CFAP52: variants seen among roughly 807,000 people sequenced by gnomAD.
CFAP52 encodes the protein cilia and flagella associated protein 52, also known as cilia- and flagella-associated protein 52.
In CFAP52, 57 loss-of-function variants were observed where a neutral mutation model predicts 70.5. The observed-to-expected ratio is 0.81, with a 90% CI of 0.65 to 1.01. The LOEUF is 1.01. CFAP52 is among the 50% of genes least tolerant of loss of function. The pLI, the probability that CFAP52 is intolerant of heterozygous loss-of-function variation, is 0.00. For synonymous variants in CFAP52, 267 were observed against 292.5 expected (o/e 0.91, Z 0.89); for missense variants, 785 against 788.5 (o/e 1.00, Z 0.05).
At chr17:9,587,261 G>T (rs993242439) in intron 3 of CFAP52, among the ~76,000 whole-genome samples, 1 of 152,138 alleles carries the variant, frequency 6.6e-6, no homozygotes, top group East Asian at 1.9e-4. Context: ...TCTTTATCCA[G>T]TCTACCATTG....
Position 9,585,674 on chromosome 17 carries a change from C to T in CFAP52, c.71-99C>T, listed in dbSNP as rs1055208841. On this transcript the variant is annotated intron_variant, in intron 1 of 13. Transcript: ENST00000352665. ...GTGACAAGTGCAAGACTCTGTCACA[C>T]ACACACACACACACAAAGTGTTGTG... 4.1e-6 allele frequency: 5 copies of T among 1,226,692 alleles called. No homozygotes were observed. The African/African-American group carries it at 4.4e-5, about 11-fold the overall frequency. 76.0% of individuals were successfully genotyped at this position (1,226,692 alleles called of 1,614,324 possible). A position where few individuals can be genotyped will look rare whatever the true frequency, so the allele number is the denominator to read the frequency against.
At chr17:9,634,959 C>G (rs917258925) in intron 10 of CFAP52, among the ~76,000 whole-genome samples, 1 of 152,104 alleles carries the variant, frequency 6.6e-6, no homozygotes, top group South Asian at 2.1e-4. Flanking sequence ...AGTTGGGAAC[C>G]ATTGCTTTTA....
At chr17:9,637,093 A>G (rs988188224) in intron 11 of CFAP52, among the ~76,000 whole-genome samples, 11 of 152,126 alleles carry the variant, frequency 7.2e-5, no homozygotes, top group Non-Finnish European at 1.2e-4. Context: ...CCGACAAAGC[A>G]AGCTTTTGTC....
intron 8 of CFAP52, among the ~76,000 whole-genome samples, chr17:9,625,475 T>C (rs1159320458): frequency 6.6e-6 from 1 of 151,672 alleles, no homozygotes; most frequent in Non-Finnish European, 1.5e-5. Flanking sequence ...GTGCAGTGTT[T>C]ATAACCAGAA....
chr17:9,584,553 T>C (rs1908364891), intron 1 of CFAP52, among the ~76,000 whole-genome samples: 1 of 152,166 alleles, frequency 6.6e-6, no homozygotes. Context: ...ACATAGTTAC[T>C]TTTTGTGTGT....
In CFAP52 at chr17:9,632,898, C is replaced by T. The variant is rs149428354; in HGVS notation, c.1185C>T (p.Asp395=). ...DGKSIISAWN[D]GKIRAFAPET... is the part of the protein sequence containing the mutation. ...TCCCTTTCATGCCAGCATGGAACGA[C>T]GGTAAAATCCGAGCCTTCGCCCCAG... Residue 395 remains aspartate (D), a synonymous_variant, in exon 10 of 14, where the codon GAC becomes GAT. Transcript: ENST00000352665. The T allele has an allele frequency of 5.3e-3, 8,525 of 1,614,020 alleles. 34 individuals are homozygous for T. Among genetic ancestry groups the T allele is most frequent in the Non-Finnish European group, 5.9e-3 (6,930 of 1,179,934 alleles).
chr17:9,638,686 T>G lies in CFAP52; in HGVS notation c.1550T>G (p.Ile517Ser), dbSNP rs1238010471. The G allele has an allele frequency of 1.2e-6, 2 of 1,613,980 alleles. No individual in the cohort carries two copies. The highest frequency in any genetic ancestry group is 1.7e-6 in the Non-Finnish European group (2 of 1,180,038). The stretch of plus-strand genomic sequence containing the variant: ...TGCTATCACCCTGAGGAGTTCCAGA[T>G]CATCACCAGCGGAACAGACAGAAAG... Reference protein sequence around the residue: ...CVCYHPEEFQIITSGTDRKIA... With the variant: ...CVCYHPEEFQSITSGTDRKIA... The change falls in exon 12 of 14, where the codon ATC becomes AGC. Residue 517 changes from isoleucine (I) to serine (S), a missense_variant. Transcript: ENST00000352665.
chr17:9,577,196 C>G (rs1379395555), intron 1 of CFAP52, among the ~76,000 whole-genome samples: 1 of 152,172 alleles, frequency 6.6e-6, no homozygotes, highest in Non-Finnish European at 1.5e-5. Flanking sequence ...AGGAAATCTG[C>G]TAAAATCCCA....
chr17:9,593,222 G>A (rs1597770962), intron 3 of CFAP52, among the ~76,000 whole-genome samples: 1 of 151,962 alleles, frequency 6.6e-6, no homozygotes, highest in South Asian at 2.1e-4. Flanking sequence ...GCATTTTTTT[G>A]TATTATGATC....
chr17:9,598,504 G>A lies in CFAP52; in HGVS notation c.636+171G>A, dbSNP rs142157283. On this transcript the variant is annotated intron_variant, in intron 5 of 13. Transcript: ENST00000352665. ...TGGCCAGGTGCAGTGGCTCACGCCT[G>A]TAATCCCAGCATTTTGGGAGGCGGA... 1.3e-3 allele frequency: 639 copies of A among 486,822 alleles called. 1 individual carries two copies. Among genetic ancestry groups the A allele is most frequent in the African/African-American group, 8.4e-3 (426 of 50,860 alleles). 30.2% of individuals were successfully genotyped at this position (486,822 alleles called of 1,614,324 possible).
intron 3 of CFAP52, among the ~76,000 whole-genome samples, chr17:9,591,359 G>A (rs1908752703): frequency 6.6e-6 from 1 of 151,942 alleles, no homozygotes; most frequent in African/African-American, 2.4e-5. Flanking sequence ...TTTAAATTTT[G>A]TAACCTATTT....
At chr17:9,596,721 T>C (rs889335762) in intron 4 of CFAP52, among the ~76,000 whole-genome samples, 3 of 149,584 alleles carry the variant, frequency 2.0e-5, no homozygotes, top group Non-Finnish European at 3.0e-5. Context: ...TGTGTGTGTG[T>C]GTTTTTTTTT....
At chr17:9,633,795 G>A (rs1055885369) in intron 10 of CFAP52, among the ~76,000 whole-genome samples, 4 of 151,698 alleles carry the variant, frequency 2.6e-5, no homozygotes, top group African/African-American at 7.3e-5. Flanking sequence ...GCCTGCCTCA[G>A]CCTCCTGAGT....
chr17:9,600,010 A>C (rs528924142), intron 5 of CFAP52, 57 bp from the exon 6 acceptor site: 1 of 1,482,384 alleles, frequency 6.7e-7, no homozygotes, highest in Admixed American at 1.7e-5. Flanking sequence ...CAAAGTGCTG[A>C]TATTACAGGC....
chr17:9,616,642 C>G (rs1383994503), intron 8 of CFAP52, among the ~76,000 whole-genome samples: 233 of 150,722 alleles, frequency 1.5e-3, no homozygotes, highest in Non-Finnish European at 4.4e-4. Flanking sequence ...CAGCACTCAG[C>G]TGGAGATCTG....
Position 9,612,800 on chromosome 17 carries a change from A to T in CFAP52, c.1025+321A>T, listed in dbSNP as rs76532160. Among the ~76,000 whole-genome samples the T allele has an allele frequency of 3.2e-3, 404 of 126,896 alleles. 1 individual carries two copies. The highest frequency in any genetic ancestry group is 0.015 in the African/African-American group (390 of 26,496). The allele number at this position is 126,896 out of a possible 152,430, so 83.2% of individuals were successfully genotyped here. On this transcript the variant is annotated intron_variant, in intron 8 of 13. Coordinates refer to ENST00000352665, the MANE Select transcript of CFAP52 (RefSeq NM_145054.5). The stretch of plus-strand genomic sequence containing the variant: ...TAGTACAGACAGTCCCTGACTTATG[A>T]TTTTTTTTATTTTATGATGGTGTAA...
chr17:9,591,030 CTTTTTT>C (rs34888799), intron 3 of CFAP52, among the ~76,000 whole-genome samples: 1 of 76,758 alleles, frequency 1.3e-5, no homozygotes, highest in Non-Finnish European at 2.2e-5. Context: ...TTGCATGCAT[CTTTTTT>C]TTTTTTTTTT....
intron 6 of CFAP52, among the ~76,000 whole-genome samples, chr17:9,604,542 C>A (rs1909403152): frequency 1.3e-5 from 2 of 151,618 alleles, no homozygotes; most frequent in African/African-American, 4.8e-5. Context: ...CTGAGGCGGG[C>A]CGATCACCTG....
intron 8 of CFAP52, among the ~76,000 whole-genome samples, chr17:9,628,235 G>A (rs1910311322): frequency 6.6e-6 from 1 of 151,522 alleles, no homozygotes; most frequent in South Asian, 2.1e-4. Flanking sequence ...TGGTCTGTAA[G>A]ACAATCATCA....
Sources: gnomAD v4.1 joint callset for allele counts (sites outside exome capture counted in the v4.1 genomes callset) on GRCh38, gnomAD v4.1.1 for gene constraint, MANE v1.5 for transcripts, NCBI Gene and HGNC (gene_info 2026-07-23, HGNC 2026-07-21) for gene names.